PVT1: variants seen among roughly 807,000 people sequenced by gnomAD.
PVT1 encodes the protein CXCR4/PVT1 fusion.
chr8:127,810,454 G>A (rs1422212479), intron 2 of PVT1, among the ~76,000 whole-genome samples: 1 of 152,202 alleles, frequency 6.6e-6, no homozygotes, highest in Admixed American at 6.5e-5. Flanking sequence ...CTCAGTGAGC[G>A]TGTATTGAAT....
intron 4 of PVT1, among the ~76,000 whole-genome samples, chr8:127,992,789 G>A (rs1439671651): frequency 6.6e-6 from 1 of 152,136 alleles, no homozygotes; most frequent in African/African-American, 2.4e-5. Context: ...CTCCTCTTCT[G>A]GCCTTGCCTT....
At chr8:127,888,785 G>T (rs1002418501) in intron 2 of PVT1, among the ~76,000 whole-genome samples, 1 of 152,204 alleles carries the variant, frequency 6.6e-6, no homozygotes, top group Non-Finnish European at 1.5e-5. Flanking sequence ...CCACCAGAAA[G>T]AAATGCAGCC....
intron 4 of PVT1, among the ~76,000 whole-genome samples, chr8:128,032,139 G>A: frequency 6.6e-6 from 1 of 152,164 alleles, no homozygotes; most frequent in Admixed American, 6.5e-5. Context: ...CAGGAAACCG[G>A]GCCTTAAGAG....
At chr8:127,882,114 G>A (rs1815474672) in intron 2 of PVT1, among the ~76,000 whole-genome samples, 1 of 152,224 alleles carries the variant, frequency 6.6e-6, no homozygotes, top group Admixed American at 6.5e-5. Context: ...CCACACGGTT[G>A]TGACCACAGC....
intron 3 of PVT1, among the ~76,000 whole-genome samples, chr8:127,961,704 A>G (rs1816644993): frequency 6.6e-6 from 1 of 152,240 alleles, no homozygotes; most frequent in South Asian, 2.1e-4. Context: ...CCACGGAACA[A>G]CTTGAAGGAT....
At chr8:127,879,846 C>T (rs1815445550) in intron 2 of PVT1, among the ~76,000 whole-genome samples, 1 of 152,254 alleles carries the variant, frequency 6.6e-6, no homozygotes, top group African/African-American at 2.4e-5. Context: ...CCAGTTCCTC[C>T]TCTAGGCATT....
chr8:127,932,422 G>A (rs1248414688), intron 3 of PVT1: 18 of 398,522 alleles, frequency 4.5e-5, no homozygotes, highest in Non-Finnish European at 7.5e-5. Context: ...GAGGACATGC[G>A]AGAACTATTG....
At chr8:128,088,793 A>G (rs1479770769) in intron 5 of PVT1, among the ~76,000 whole-genome samples, 1 of 152,194 alleles carries the variant, frequency 6.6e-6, no homozygotes, top group African/African-American at 2.4e-5. Context: ...TCTTTCACTT[A>G]TTGCCATGAT....
At chr8:128,059,117 A>G (rs1195372281) in intron 4 of PVT1, among the ~76,000 whole-genome samples, 1 of 152,174 alleles carries the variant, frequency 6.6e-6, no homozygotes, top group African/African-American at 2.4e-5. Context: ...TATCATGGAT[A>G]GAAGCAATGG....
chr8:127,860,179 C>T (rs1315622308), intron 2 of PVT1, among the ~76,000 whole-genome samples: 2 of 152,178 alleles, frequency 1.3e-5, no homozygotes, highest in East Asian at 1.9e-4. Flanking sequence ...CTCCAGGAGA[C>T]GAGGAGCAGG....
chr8:127,849,515 G>T (rs994096784), intron 2 of PVT1, among the ~76,000 whole-genome samples: 3 of 152,276 alleles, frequency 2.0e-5, no homozygotes, highest in East Asian at 3.9e-4. Context: ...CCTATGAAGT[G>T]GTAGCTATCA....
chr8:127,842,096 C>T (rs1038905329), intron 2 of PVT1, among the ~76,000 whole-genome samples: 3 of 150,906 alleles, frequency 2.0e-5, no homozygotes, highest in African/African-American at 7.3e-5. Context: ...ATTTTGTTAT[C>T]TTATTTTTAA....
At chr8:128,028,565 C>T (rs777599862) in intron 4 of PVT1, among the ~76,000 whole-genome samples, 2 of 152,200 alleles carry the variant, frequency 1.3e-5, no homozygotes, top group Admixed American at 6.5e-5. Context: ...AGATGAGTGT[C>T]GAGCGCCTCA....
chr8:128,071,248 T>C (rs1386864283), intron 5 of PVT1, among the ~76,000 whole-genome samples: 1 of 152,160 alleles, frequency 6.6e-6, no homozygotes, highest in Non-Finnish European at 1.5e-5. Context: ...CCCTGCACCA[T>C]GATGTCAAAG....
At chr8:127,850,288 T>C (rs114180619) in intron 2 of PVT1, among the ~76,000 whole-genome samples, 6,632 of 151,970 alleles carry the variant, frequency 0.044, 519 homozygotes, top group African/African-American at 0.15. Context: ...TATCAGGGAG[T>C]AGTACTTTGG....
intron 3 of PVT1, among the ~76,000 whole-genome samples, chr8:127,952,981 G>T (rs556515224): frequency 6.6e-6 from 1 of 151,980 alleles, no homozygotes; most frequent in African/African-American, 2.4e-5. Flanking sequence ...GGCCAGGATG[G>T]TCTCGATCTC....
At chr8:128,036,771 G>GT (rs1813468066) in intron 4 of PVT1, among the ~76,000 whole-genome samples, 1 of 152,200 alleles carries the variant, frequency 6.6e-6, no homozygotes, top group Non-Finnish European at 1.5e-5. Context: ...CTGCTGCAGG[G>GT]TTACCGCACC....
intron 2 of PVT1, among the ~76,000 whole-genome samples, chr8:127,823,868 C>T (rs1814759642): frequency 6.6e-6 from 1 of 152,244 alleles, no homozygotes; most frequent in Admixed American, 6.5e-5. Context: ...TCAGCTCTCT[C>T]TTTGCCCTCA....
intron 5 of PVT1, among the ~76,000 whole-genome samples, chr8:128,086,940 A>G (rs936250785): frequency 6.6e-6 from 1 of 152,250 alleles, no homozygotes; most frequent in South Asian, 2.1e-4. Flanking sequence ...TATGATTTAC[A>G]GCTATGTCCT....
Sources: gnomAD v4.1 joint callset for allele counts (sites outside exome capture counted in the v4.1 genomes callset) on GRCh38, gnomAD v4.1.1 for gene constraint, MANE v1.5 for transcripts, NCBI Gene and HGNC (gene_info 2026-07-23, HGNC 2026-07-21) for gene names.